The following SPRY3 variants were observed in gnomAD, a reference collection of about 807,000 sequenced individuals.
The protein encoded by SPRY3 is sprouty RTK signaling antagonist 3, also known as protein sprouty homolog 3.
SPRY3 carries 15 observed loss-of-function variants against 20.2 expected under a neutral mutation model. The observed-to-expected ratio is 0.74, with a 90% CI of 0.50 to 1.14. SPRY3 has a LOEUF of 1.14. SPRY3 is among the 50% of genes most tolerant of loss of function. SPRY3 has a pLI of 0.00. For missense variants in SPRY3, 364 were observed against 363.9 expected, an observed-to-expected ratio of 1.00 and a Z score of 0.00; for synonymous variants, 143 against 136.5, an observed-to-expected ratio of 1.05 and a Z score of -0.33.
chrX:155,762,838 TTCAACCC>T (rs2091309851), intron 2 of SPRY3, among the ~76,000 whole-genome samples: 1 of 152,120 alleles, frequency 6.6e-6, no homozygotes. Context: ...AGAACCACCA[TTCAACCC>T]AGCAATCCTA....
At chrX:155,665,637 A>C (rs782217237) in intron 2 of SPRY3, among the ~76,000 whole-genome samples, 3 of 111,526 alleles carry the variant, frequency 2.7e-5, no homozygotes, top group Non-Finnish European at 5.7e-5. Flanking sequence ...TTGATCCCCA[A>C]ATTTTAAGCA....
chrX:155,774,408 G>A, exon 4 of SPRY3: 1 of 1,614,018 alleles, frequency 6.2e-7, no homozygotes, highest in East Asian at 2.2e-5. Context: ...GCTCTGCTGA[G>A]AGCCTCCTCG....
chrX:155,725,992 G>A (rs2091094536), intron 2 of SPRY3, among the ~76,000 whole-genome samples: 1 of 152,156 alleles, frequency 6.6e-6, no homozygotes, highest in Non-Finnish European at 1.5e-5. Flanking sequence ...TGCTTTAAAT[G>A]TGTCCCAGAG....
chrX:155,651,714 T>A (rs1256433004), intron 1 of SPRY3, among the ~76,000 whole-genome samples: 1 of 111,680 alleles, frequency 9.0e-6, no homozygotes, highest in Non-Finnish European at 1.9e-5. Flanking sequence ...TTATTTTAAT[T>A]TTATGGGTAC....
intron 1 of SPRY3, among the ~76,000 whole-genome samples, chrX:155,637,539 A>G (rs1042565125): frequency 9.0e-6 from 1 of 110,787 alleles, no homozygotes; most frequent in Admixed American, 9.6e-5. Context: ...CAGATACTCC[A>G]CCACCAGTTG....
At chrX:155,617,299 GCTGA>G (rs2067856847) in intron 1 of SPRY3, among the ~76,000 whole-genome samples, 1 of 110,509 alleles carries the variant, frequency 9.0e-6, no homozygotes, top group African/African-American at 3.3e-5. Context: ...AGAAGCTGAA[GCTGA>G]CTGATTTAAG....
At chrX:155,638,327 T>A (rs187025988) in intron 1 of SPRY3, among the ~76,000 whole-genome samples, 4 of 1,576 alleles carry the variant, frequency 2.5e-3, no homozygotes, top group Admixed American at 0.011. Flanking sequence ...TATATATATA[T>A]ATATATATAT....
At chrX:155,779,003 G>A (rs1415459635), downstream of SPRY3, 1 of 167,054 alleles carries the variant, frequency 6.0e-6, no homozygotes, top group Non-Finnish European at 1.5e-5. Flanking sequence ...TCACTGAGTT[G>A]GCCACAGTCT....
chrX:155,627,136 T>G (rs1434076260), intron 1 of SPRY3, among the ~76,000 whole-genome samples: 1 of 111,623 alleles, frequency 9.0e-6, no homozygotes, highest in Non-Finnish European at 1.9e-5. Flanking sequence ...TACAACATAT[T>G]GTTATTAACT....
At chrX:155,731,202 A>T (rs1348635920) in intron 2 of SPRY3, among the ~76,000 whole-genome samples, 1 of 152,146 alleles carries the variant, frequency 6.6e-6, no homozygotes, top group African/African-American at 2.4e-5. Flanking sequence ...AGAATAGCCA[A>T]AGCTATCCTG....
At chrX:155,721,981 A>G (rs1183820515) in intron 2 of SPRY3, among the ~76,000 whole-genome samples, 1 of 151,982 alleles carries the variant, frequency 6.6e-6, no homozygotes, top group Non-Finnish European at 1.5e-5. Context: ...TGATGGACCA[A>G]TCAAAAACAA....
chrX:155,748,683 A>T (rs1221473456), intron 2 of SPRY3, among the ~76,000 whole-genome samples: 1 of 151,856 alleles, frequency 6.6e-6, no homozygotes, highest in Non-Finnish European at 1.5e-5. Flanking sequence ...AGAACAGGGC[A>T]ATACCTCATG....
At chrX:155,760,893 C>T (rs2091301517) in intron 2 of SPRY3, among the ~76,000 whole-genome samples, 1 of 152,172 alleles carries the variant, frequency 6.6e-6, no homozygotes, top group African/African-American at 2.4e-5. Context: ...GGGCTGGGGA[C>T]CCATGCTTTA....
At chrX:155,762,001 G>A (rs983177320) in intron 2 of SPRY3, among the ~76,000 whole-genome samples, 1 of 151,928 alleles carries the variant, frequency 6.6e-6, no homozygotes, top group African/African-American at 2.4e-5. Flanking sequence ...TTCCTCTCCT[G>A]TCTTGTCACT....
chrX:155,675,545 T>G (rs906414500), intron 2 of SPRY3, among the ~76,000 whole-genome samples: 8 of 111,362 alleles, frequency 7.2e-5, no homozygotes, highest in African/African-American at 2.3e-4. Flanking sequence ...GGAGACATGA[T>G]GCAAAGATGG....
chrX:155,744,415 T>G (rs957841011), intron 2 of SPRY3, among the ~76,000 whole-genome samples: 31 of 152,100 alleles, frequency 2.0e-4, no homozygotes, highest in African/African-American at 7.2e-4. Flanking sequence ...AAAGAAGTGG[T>G]TAAACAGCAA....
intron 2 of SPRY3, among the ~76,000 whole-genome samples, chrX:155,708,588 C>G (rs1045727676): frequency 2.0e-5 from 3 of 151,212 alleles, no homozygotes; most frequent in African/African-American, 7.3e-5. Flanking sequence ...TTGCTTCAAT[C>G]TTTCTTCATA....
chrX:155,736,821 C>A (rs1414475826), intron 2 of SPRY3, among the ~76,000 whole-genome samples: 1 of 151,892 alleles, frequency 6.6e-6, no homozygotes, highest in African/African-American at 2.4e-5. Flanking sequence ...TCTGGGATTC[C>A]TATTACATGT....
intron 2 of SPRY3, among the ~76,000 whole-genome samples, chrX:155,731,593 C>T (rs1401892500): frequency 1.3e-5 from 2 of 151,918 alleles, no homozygotes; most frequent in Non-Finnish European, 2.9e-5. Context: ...GCAAATTGGA[C>T]GGGGCAAAGA....
Sources: gnomAD v4.1 joint callset for allele counts (sites outside exome capture counted in the v4.1 genomes callset) on GRCh38, gnomAD v4.1.1 for gene constraint, MANE v1.5 for transcripts, NCBI Gene and HGNC (gene_info 2026-07-23, HGNC 2026-07-21) for gene names.